The following SHANK2 variants were observed in gnomAD, a reference collection of about 807,000 sequenced individuals.
The protein encoded by SHANK2 is SH3 and multiple ankyrin repeat domains protein 2.
A neutral mutation model predicts 133.7 loss-of-function variants in SHANK2; 43 were observed. That is an observed-to-expected ratio of 0.32 (90% CI 0.25 to 0.41). The LOEUF (loss-of-function observed/expected upper bound fraction) is 0.41. Among genes scored for constraint, SHANK2 ranks in the 10% least tolerant of loss-of-function variants. The probability of loss-of-function intolerance (pLI) is 1.00; values close to 1 mark genes in which losing one functional copy is unlikely to be tolerated. For missense variants in SHANK2, 1,994 were observed against 2,235.8 expected, an observed-to-expected ratio of 0.89 and a Z score of 2.18; for synonymous variants, 1,017 against 952.8, an observed-to-expected ratio of 1.07 and a Z score of -1.24.
chr11:70,782,598 G>A (rs1253998528), intron 14 of SHANK2, among the ~76,000 whole-genome samples: 1 of 152,224 alleles, frequency 6.6e-6, no homozygotes, highest in East Asian at 1.9e-4. Context: ...ACCACGCTGT[G>A]GGAGCAGTCA....
At chr11:70,617,462 C>T (rs782575065) in intron 17 of SHANK2, among the ~76,000 whole-genome samples, 6 of 148,560 alleles carry the variant, frequency 4.0e-5, no homozygotes, top group Non-Finnish European at 1.5e-5. Context: ...ACGCGAGGAA[C>T]GGAGTGGGGA....
In SHANK2 at chr11:70,746,833, C is replaced by G. The variant is rs79273815; in HGVS notation, c.1778-48070G>C. Among the ~76,000 whole-genome samples, 523 of 152,172 alleles carry G rather than the reference C, an allele frequency of 3.4e-3. 2 individuals carry two copies. Among genetic ancestry groups the G allele is most frequent in the African/African-American group, 0.012 (509 of 41,524 alleles). On this transcript the variant is annotated intron_variant, in intron 14 of 25. Coordinates refer to ENST00000601538, the MANE Select transcript of SHANK2 (RefSeq NM_012309.5). ...CCCCACACTGGGGGAGGGCTCTGCCCTACCCTTTCCATCCCAGCCTCAGGT... is the reference window on the plus strand; with the variant it reads ...CCCCACACTGGGGGAGGGCTCTGCCGTACCCTTTCCATCCCAGCCTCAGGT...
intron 2 of SHANK2, among the ~76,000 whole-genome samples, chr11:71,212,191 G>T (rs1206099295): frequency 6.6e-6 from 1 of 152,064 alleles, no homozygotes; most frequent in African/African-American, 2.4e-5. Flanking sequence ...ATTAAAAACC[G>T]GATGTTAACT....
chr11:70,632,084 C>T (rs549105995), intron 17 of SHANK2, among the ~76,000 whole-genome samples: 8 of 152,324 alleles, frequency 5.3e-5, no homozygotes, highest in East Asian at 1.9e-4. Flanking sequence ...CATTAGAATG[C>T]GATTTGTCCT....
At chr11:70,613,342 T>C (rs1376711054) in intron 17 of SHANK2, among the ~76,000 whole-genome samples, 1 of 152,148 alleles carries the variant, frequency 6.6e-6, no homozygotes, top group East Asian at 1.9e-4. Flanking sequence ...TAGGTGGGAC[T>C]ACAGGCGCCC....
intron 14 of SHANK2, among the ~76,000 whole-genome samples, chr11:70,726,882 G>A (rs1262675743): frequency 6.6e-6 from 1 of 152,228 alleles, no homozygotes; most frequent in African/African-American, 2.4e-5. Context: ...TGCCATGTCA[G>A]TAAGCCTGGG....
chr11:70,820,902 T>A (rs1421759261), intron 11 of SHANK2, among the ~76,000 whole-genome samples: 1 of 151,916 alleles, frequency 6.6e-6, no homozygotes, highest in Non-Finnish European at 1.5e-5. Context: ...ACGGAGAACA[T>A]CTCCACGGCA....
chr11:70,513,528 A>T (rs2059230266), intron 17 of SHANK2, among the ~76,000 whole-genome samples: 1 of 152,262 alleles, frequency 6.6e-6, no homozygotes, highest in South Asian at 2.1e-4. Context: ...CCAAAGCATA[A>T]CATTCACGAA....
Position 70,486,792 on chromosome 11 carries a change from A to G in SHANK2, c.3501T>C (p.Gly1167=), listed in dbSNP as rs1591489074. The part of the protein sequence containing the change: ...FVGGAEASAP[G]EAGRPLNSTS... ...TGGAATTCAGCGGCCTCCCAGCCTC[A>G]CCCGGAGCACTGGCCTCGGCGCCAC... is the stretch of plus-strand genomic sequence containing the variant. Residue 1167 remains glycine, a synonymous_variant, in exon 25 of 26, where the codon GGT becomes GGC. Transcript: ENST00000601538. The surrounding 1 kb of genome is among the most constrained non-coding windows in gnomAD (Gnocchi z 8.0). The G allele has an allele frequency of 1.9e-6, 3 of 1,611,976 alleles. No individual in the cohort carries two copies. Among genetic ancestry groups the G allele is most frequent in the Non-Finnish European group, 2.5e-6 (3 of 1,179,908 alleles).
intron 1 of SHANK2, among the ~76,000 whole-genome samples, chr11:71,230,631 CAA>C (rs370428054): frequency 1.5e-4 from 21 of 136,586 alleles, no homozygotes; most frequent in Admixed American, 2.2e-4. Flanking sequence ...AGTTTGCAAA[CAA>C]AAAAAAAAAT....
intron 21 of SHANK2, among the ~76,000 whole-genome samples, chr11:70,498,168 G>A (rs2075451677): frequency 6.6e-6 from 1 of 152,244 alleles, no homozygotes; most frequent in Admixed American, 6.5e-5. Flanking sequence ...GGCTTGAAGT[G>A]GTCTGTCTAC....
At chr11:71,220,527 C>A (rs1954514326) in intron 2 of SHANK2, among the ~76,000 whole-genome samples, 1 of 152,180 alleles carries the variant, frequency 6.6e-6, no homozygotes, top group Non-Finnish European at 1.5e-5. Flanking sequence ...GTTGGAGCAA[C>A]CCAGTGTCCA....
At chr11:71,079,380 G>A (rs990853591) in intron 8 of SHANK2, among the ~76,000 whole-genome samples, 1,830 of 152,324 alleles carry the variant, frequency 0.012, 36 homozygotes, top group African/African-American at 0.042. Context: ...TGTGCTCTCC[G>A]CGTGGAGGGC....
At chr11:70,849,538 G>C (rs1555064806) in intron 11 of SHANK2, among the ~76,000 whole-genome samples, 1 of 152,198 alleles carries the variant, frequency 6.6e-6, no homozygotes, top group Non-Finnish European at 1.5e-5. Flanking sequence ...AACTGTACTA[G>C]AGCATAACCC....
intron 14 of SHANK2, among the ~76,000 whole-genome samples, chr11:70,712,019 C>G (rs1396813179): frequency 1.3e-5 from 2 of 152,138 alleles, no homozygotes; most frequent in Non-Finnish European, 2.9e-5. Context: ...GAGCTGCAGG[C>G]TGGAAGTCTG....
intron 9 of SHANK2, among the ~76,000 whole-genome samples, chr11:71,058,094 C>T (rs1268805289): frequency 4.7e-5 from 7 of 149,210 alleles, no homozygotes; most frequent in African/African-American, 1.5e-4. Flanking sequence ...CGAGGTCCCC[C>T]GTGTTGTCTA....
In SHANK2 at chr11:71,226,768, G is replaced by T. The variant is rs60122605; in HGVS notation, c.-112-1972C>A. 412 of 152,068 alleles carry T rather than the reference G, an allele frequency of 2.7e-3. 1 individual carries two copies. Among genetic ancestry groups the T allele is most frequent in the African/African-American group, 9.5e-3 (394 of 41,490 alleles). 9.4% of individuals were successfully genotyped at this position (152,068 alleles called of 1,614,324 possible). On this transcript the variant is annotated intron_variant, in intron 1 of 25. Coordinates refer to ENST00000601538, the MANE Select transcript of SHANK2 (RefSeq NM_012309.5). ...ATTCTAAAAGAATAGCTAAAAAGAA[G>T]CCTTTCTAAATAAAAAAATAATAAT...
At chr11:70,681,354 G>T (rs1357172921) in intron 15 of SHANK2, among the ~76,000 whole-genome samples, 5 of 152,178 alleles carry the variant, frequency 3.3e-5, no homozygotes, top group African/African-American at 1.2e-4. Flanking sequence ...ATCATTTGAT[G>T]CTGCCAAATT....
chr11:70,587,698 GTTTT>G (rs34539549), intron 17 of SHANK2, among the ~76,000 whole-genome samples: 1 of 119,734 alleles, frequency 8.4e-6, no homozygotes, highest in East Asian at 2.4e-4. Context: ...AGCACGTCCA[GTTTT>G]TTTTTTTTTT....
Sources: allele counts gnomAD v4.1 joint callset (sites outside exome capture counted in the v4.1 genomes callset), GRCh38; gene constraint gnomAD v4.1.1; non-coding constraint Gnocchi (gnomAD v3.1); transcripts MANE v1.5; gene names NCBI Gene and HGNC (gene_info 2026-07-23, HGNC 2026-07-21).